Variants in NRG1 observed in about 807,000 individuals in gnomAD.
NRG1 encodes pro-neuregulin-1, membrane-bound isoform.
In NRG1, 18 loss-of-function variants were observed where a neutral mutation model predicts 63.8. The ratio of observed to expected loss-of-function variants is 0.28; its 90% CI spans 0.19 to 0.42. The LOEUF (loss-of-function observed/expected upper bound fraction) is 0.42, where lower values mean the gene tolerates loss of function less well. Among genes scored for constraint, NRG1 ranks in the 10% least tolerant of loss-of-function variants. The pLI is 1.00. For synonymous variants in NRG1, 302 were observed against 301.3 expected (o/e 1.00, Z -0.02); for missense variants, 762 against 814.7 (o/e 0.94, Z 0.79).
chr8:31,675,639 G>A (rs1346998799), intron 1 of NRG1, among the ~76,000 whole-genome samples: 1 of 152,056 alleles, frequency 6.6e-6, no homozygotes, highest in Non-Finnish European at 1.5e-5. Context: ...AAAAACACTG[G>A]GCATCATTGT....
chr8:32,036,698 T>C (rs143201474), intron 1 of NRG1, among the ~76,000 whole-genome samples: 2,554 of 152,278 alleles, frequency 0.017, 45 homozygotes, highest in Middle Eastern at 0.054. Flanking sequence ...AGCTCTGATA[T>C]CCTTTTTTTC....
chr8:31,827,627 T>C (rs1321150652), intron 1 of NRG1, among the ~76,000 whole-genome samples: 1 of 152,244 alleles, frequency 6.6e-6, no homozygotes, highest in Non-Finnish European at 1.5e-5. Context: ...ACAAATATAA[T>C]TTTTCTCTGG....
intron 1 of NRG1, among the ~76,000 whole-genome samples, chr8:32,112,621 G>T (rs1346015126): frequency 6.6e-6 from 1 of 152,164 alleles, no homozygotes; most frequent in Non-Finnish European, 1.5e-5. Flanking sequence ...CCTTTCCACT[G>T]CTCTTAACAA....
intron 1 of NRG1, among the ~76,000 whole-genome samples, chr8:32,103,430 T>G (rs1345060877): frequency 2.0e-5 from 3 of 152,248 alleles, no homozygotes; most frequent in Non-Finnish European, 4.4e-5. Flanking sequence ...TGTCCATTCA[T>G]GTGTTGATGG....
rs117466563 is a variant in NRG1, at chr8:31,745,954, T to G, written c.37+106523T>G. Among the ~76,000 whole-genome samples the G allele has an allele frequency of 3.6e-3, 553 of 152,086 alleles. 1 individual carries two copies. Among genetic ancestry groups the G allele is most frequent in the South Asian group, 0.014 (69 of 4,826 alleles). ...CACGAGATTACCACAGATACCCAGC[T>G]TGGGGACAGGACCACAGAAGAATAA... On this transcript the variant is annotated intron_variant, in intron 1 of 10. Transcript: ENST00000519301.
At chr8:32,509,421 C>G (rs369668532) in intron 1 of NRG1, among the ~76,000 whole-genome samples, 136 of 152,226 alleles carry the variant, frequency 8.9e-4, no homozygotes, top group African/African-American at 2.8e-3. Context: ...TCACATATAA[C>G]TTTGTAATCT....
intron 1 of NRG1, among the ~76,000 whole-genome samples, chr8:32,593,508 G>T (rs1468427360): frequency 7.7e-6 from 1 of 129,762 alleles, no homozygotes; most frequent in Non-Finnish European, 1.8e-5. Flanking sequence ...ACAACAGTTA[G>T]CCAGGGGTGG....
intron 1 of NRG1, among the ~76,000 whole-genome samples, chr8:31,733,032 G>A (rs1365808638): frequency 6.6e-6 from 1 of 151,908 alleles, no homozygotes; most frequent in African/African-American, 2.4e-5. Flanking sequence ...GCATTATTTA[G>A]CTCCCACTTG....
At chr8:31,842,872 C>A (rs530605799) in intron 1 of NRG1, among the ~76,000 whole-genome samples, 1 of 152,272 alleles carries the variant, frequency 6.6e-6, no homozygotes, top group South Asian at 2.1e-4. Context: ...GTTTTACCCT[C>A]TAATTTCTTG....
chr8:32,728,990 C>T (rs1367439905), intron 6 of NRG1, among the ~76,000 whole-genome samples: 1 of 152,128 alleles, frequency 6.6e-6, no homozygotes, highest in South Asian at 2.1e-4. Context: ...ATGGCGTGAA[C>T]CTGGGAGGTG....
chr8:32,049,918 G>A (rs565586548), intron 1 of NRG1, among the ~76,000 whole-genome samples: 5 of 152,118 alleles, frequency 3.3e-5, no homozygotes, highest in Admixed American at 6.6e-5. Flanking sequence ...GAGGTGGGTT[G>A]GGATCCAAAG....
intron 5 of NRG1, among the ~76,000 whole-genome samples, chr8:32,680,854 AG>A: frequency 6.6e-6 from 1 of 152,236 alleles, no homozygotes; most frequent in African/African-American, 2.4e-5. Context: ...CAGTATATTT[AG>A]TGAATGAATG....
chr8:32,605,706 T>G, intron 3 of NRG1, 23 bp downstream of exon 3: 1 of 1,610,866 alleles, frequency 6.2e-7, no homozygotes, highest in Non-Finnish European at 8.5e-7. Context: ...TACGGTATTC[T>G]GTTCCTCAAT....
chr8:31,861,977 G>A (rs1828514885), intron 1 of NRG1, among the ~76,000 whole-genome samples: 1 of 152,100 alleles, frequency 6.6e-6, no homozygotes, highest in Non-Finnish European at 1.5e-5. Flanking sequence ...TATCAGGCTT[G>A]GCATTTCGCA....
chr8:31,802,876 T>C (rs1438261193), intron 1 of NRG1, among the ~76,000 whole-genome samples: 1 of 152,212 alleles, frequency 6.6e-6, no homozygotes, highest in Non-Finnish European at 1.5e-5. Context: ...ATGTTCTGCT[T>C]TTCATATTCA....
At chr8:31,708,476 C>T (rs1216681889) in intron 1 of NRG1, among the ~76,000 whole-genome samples, 3 of 142,144 alleles carry the variant, frequency 2.1e-5, no homozygotes, top group South Asian at 4.5e-4. Flanking sequence ...GACGGAGTCT[C>T]GCTCTGGCGC....
chr8:32,420,332 C>A (rs1189359336), intron 1 of NRG1, among the ~76,000 whole-genome samples: 1 of 152,088 alleles, frequency 6.6e-6, no homozygotes. Flanking sequence ...AGAAAAGTTC[C>A]AAAAACTTCC....
intron 1 of NRG1, among the ~76,000 whole-genome samples, chr8:32,082,388 G>GC (rs746339759): frequency 4.6e-5 from 7 of 151,750 alleles, no homozygotes; most frequent in Non-Finnish European, 1.0e-4. Context: ...CCTCAAGTAG[G>GC]CCCCAGTGTC....
intron 1 of NRG1, among the ~76,000 whole-genome samples, chr8:32,346,560 A>G (rs1804930667): frequency 6.6e-6 from 1 of 151,962 alleles, no homozygotes; most frequent in Non-Finnish European, 1.5e-5. Flanking sequence ...GGGAAAAAAA[A>G]AAAAATCTAT....
Sources: gnomAD v4.1 joint callset for allele counts (sites outside exome capture counted in the v4.1 genomes callset) on GRCh38, gnomAD v4.1.1 for gene constraint, MANE v1.5 for transcripts, NCBI Gene and HGNC (gene_info 2026-07-23, HGNC 2026-07-21) for gene names.